Variants in CASKIN1 observed in about 807,000 individuals in gnomAD.
CASKIN1 encodes the protein caskin-1.
Under a neutral mutation model 117.5 loss-of-function variants are expected in CASKIN1, and 42 were observed. The observed-to-expected ratio is 0.36, with a 90% CI of 0.28 to 0.46. The LOEUF (loss-of-function observed/expected upper bound fraction) is 0.46, where lower values mean the gene tolerates loss of function less well. CASKIN1 is among the 20% of genes least tolerant of loss of function. The probability of loss-of-function intolerance (pLI) is 1.00; values close to 1 mark genes in which losing one functional copy is unlikely to be tolerated. For synonymous variants in CASKIN1, 1,148 were observed against 961.7 expected (o/e 1.19, Z -3.59); for missense variants, 2,083 against 2,077.3 (o/e 1.00, Z -0.05).
At chr16:2,185,589 G>A (rs1160135812) in intron 10 of CASKIN1, among the ~76,000 whole-genome samples, 181 bp from the exon 11 acceptor site, 11 of 152,256 alleles carry the variant, frequency 7.2e-5, no homozygotes, top group Non-Finnish European at 1.2e-4. Context: ...GCAGGAGAGA[G>A]GCAGAGACAG....
intron 1 of CASKIN1, among the ~76,000 whole-genome samples, chr16:2,193,661 C>A (rs2093207195): frequency 6.6e-6 from 1 of 152,216 alleles, no homozygotes; most frequent in Non-Finnish European, 1.5e-5. Context: ...AGGTCAAAGC[C>A]CAGAAAGTAA....
chr16:2,183,688 G>C lies in CASKIN1; in HGVS notation c.1587C>G (p.Ile529Met). 1.2e-6 allele frequency: 2 copies of C among 1,613,406 alleles called. No homozygotes were observed. The highest frequency in any genetic ancestry group is 1.7e-6 in the Non-Finnish European group (2 of 1,179,990). The change falls in exon 16 of 20, where the codon ATC becomes ATG. Residue 529 changes from isoleucine to methionine, a missense_variant. Ile to Met is a conservative substitution (Grantham distance 10). Around this residue, in one of 3 missense-constraint regions of CASKIN1, gnomAD observed 1,818 missense variants for 1,688.9 expected, o/e 1.08. Coordinates refer to ENST00000343516, the MANE Select transcript of CASKIN1 (RefSeq NM_020764.4). ...PGHRKKIAAEISGLSIPDWLP... is the reference protein window; with the variant it reads ...PGHRKKIAAEMSGLSIPDWLP... The stretch of plus-strand genomic sequence containing the variant: ...GCCAGTCAGGGATGCTTAGGCCGCT[G>C]ATCTCTGCCGCGATCTTCTTCCGGT...
chr16:2,178,069 T>G lies in CASKIN1; in HGVS notation c.*481A>C, dbSNP rs1469349476. 1 of 486,784 alleles carries G rather than the reference T, an allele frequency of 2.1e-6. No homozygotes were observed. The highest frequency in any genetic ancestry group is 3.9e-6 in the Non-Finnish European group (1 of 254,652). The allele number at this position is 486,784 out of a possible 1,614,324, so 30.2% of individuals were successfully genotyped here. On this transcript the variant is annotated 3_prime_UTR_variant, in exon 20 of 20. Transcript: ENST00000343516. ...TATATTTGTTAAAGTTATACCTTTT[T>G]GTTTCTCTGGGGAAATCCGCCTCAG... is the stretch of plus-strand genomic sequence containing the variant.
At position 2,182,597 on chromosome 16, in the gene CASKIN1, G is replaced by C. The variant is rs560303898; in HGVS notation, c.1630-668C>G. On this transcript the variant is annotated intron_variant, in intron 16 of 19. Coordinates refer to ENST00000343516, the MANE Select transcript of CASKIN1 (RefSeq NM_020764.4). This position sits in a 1 kb window ranked among gnomAD's most constrained non-coding sequence, Gnocchi z 4.1. ...GGACCTGACCCCTAGGAGGATCCCCGAGCCACCAATTGAGTGAGGCAAGGC... is the reference window on the plus strand; with the variant it reads ...GGACCTGACCCCTAGGAGGATCCCCCAGCCACCAATTGAGTGAGGCAAGGC... 6.6e-6 allele frequency among the ~76,000 whole-genome samples: 1 copy of C among 152,206 alleles called. No individual in the cohort carries two copies. The highest frequency in any genetic ancestry group is 2.4e-5 in the African/African-American group (1 of 41,444).
rs930628336 is a variant in CASKIN1 at position 2,180,116 on chromosome 16, C to T, written c.3252G>A (p.Ser1084=). 1.3e-6 allele frequency: 2 copies of T among 1,553,236 alleles called. No homozygotes were observed. The highest frequency in any genetic ancestry group is 1.4e-5 in the African/African-American group (1 of 73,120). The change falls in exon 18 of 20, where the codon TCG becomes TCA. Residue 1084 remains serine (S), a synonymous_variant. Transcript: ENST00000343516. Reference sequence around the variant, plus strand: ...CCTCCACAAAGGGGCCTGGGTCTGCCGACTCCCCAGGCCCCCGGCGGGCAG... The same window carrying T: ...CCTCCACAAAGGGGCCTGGGTCTGCTGACTCCCCAGGCCCCCGGCGGGCAG... ...LATARRGPGE[S]ADPGPFVEDG...
chr16:2,178,505 G>A lies in CASKIN1; in HGVS notation c.*45C>T, dbSNP rs1304729504. 2.0e-6 allele frequency: 3 copies of A among 1,474,472 alleles called. No homozygotes were observed. Among genetic ancestry groups the A allele is most frequent in the Non-Finnish European group, 2.7e-6 (3 of 1,100,872 alleles). 91.3% of individuals were successfully genotyped at this position (1,474,472 alleles called of 1,614,324 possible). Reference sequence around the variant, plus strand: ...CCCATCCTGAGGTATAGGTCAGTGTGCGGGGAGGGCCCGGGCGGCGCGGGA... The same window carrying A: ...CCCATCCTGAGGTATAGGTCAGTGTACGGGGAGGGCCCGGGCGGCGCGGGA... On this transcript the variant is annotated 3_prime_UTR_variant, in exon 20 of 20. Coordinates refer to ENST00000343516, the MANE Select transcript of CASKIN1 (RefSeq NM_020764.4).
intron 1 of CASKIN1, among the ~76,000 whole-genome samples, chr16:2,194,409 G>C (rs1407943873): frequency 6.6e-6 from 1 of 152,060 alleles, no homozygotes; most frequent in Non-Finnish European, 1.5e-5. Flanking sequence ...GGCGAGTCGG[G>C]GGCTGGCTGA....
In CASKIN1 at chr16:2,181,003, G is replaced by T; in HGVS notation, c.2365C>A (p.Gln789Lys). The T allele has an allele frequency of 1.3e-6, 2 of 1,485,858 alleles. No homozygotes were observed. Among genetic ancestry groups the T allele is most frequent in the Non-Finnish European group, 1.8e-6 (2 of 1,122,562 alleles). The allele number at this position is 1,485,858 out of a possible 1,614,324, so 92.0% of individuals were successfully genotyped here. ...TPTKTRPGSP[Q>K]ALGGPHGPAP... ...GGACCATGAGGTCCCCCAAGGGCCT[G>T]GGGAGAGCCTGGTCGGGTTTTGGTG... Residue 789 changes from glutamine to lysine, a missense_variant, in exon 18 of 20, where the codon CAG becomes AAG. Gln to Lys is a moderately conservative substitution (Grantham distance 53). Coordinates refer to ENST00000343516, the MANE Select transcript of CASKIN1 (RefSeq NM_020764.4).
chr16:2,180,226 T>G lies in CASKIN1; in HGVS notation c.3142A>C (p.Lys1048Gln), dbSNP rs975014590. The change falls in exon 18 of 20, where the codon AAA (lysine) becomes CAA (glutamine). Residue 1048 changes from lysine to glutamine, a missense_variant. Lys to Gln is a moderately conservative substitution (Grantham distance 53). This residue lies in a region of CASKIN1 where 1,818 missense variants were observed against 1,688.9 expected (regional missense o/e 1.08). Transcript: ENST00000343516. Reference sequence around the variant, plus strand: ...CCAGGCCCGATGGCCTCTTTGTGTTTCACTGAGGCCAGCACGGTGGCCACC... The same window carrying G: ...CCAGGCCCGATGGCCTCTTTGTGTTGCACTGAGGCCAGCACGGTGGCCACC... ...GRVATVLASV[K>Q]HKEAIGPGGE... 2 of 1,551,388 alleles carry G rather than the reference T, an allele frequency of 1.3e-6. No homozygotes were observed. Among genetic ancestry groups the G allele is most frequent in the Non-Finnish European group, 1.7e-6 (2 of 1,148,418 alleles).
intron 14 of CASKIN1, 114 bp from the exon 15 acceptor site, chr16:2,184,055 GC>G: frequency 1.5e-6 from 1 of 671,480 alleles, no homozygotes; most frequent in Non-Finnish European, 2.5e-6. Context: ...TCCGCCGTCC[GC>G]TGCTCCATCT....
At chr16:2,184,422 T>G (rs532614572) in intron 14 of CASKIN1, among the ~76,000 whole-genome samples, 71 of 152,104 alleles carry the variant, frequency 4.7e-4, no homozygotes, top group Middle Eastern at 3.4e-3. Context: ...GGCACACGAG[T>G]GCACTCACAC....
intron 6 of CASKIN1, 26 bp from the exon 7 acceptor site, chr16:2,187,487 C>T (rs377237313): frequency 1.3e-4 from 207 of 1,587,982 alleles, no homozygotes; most frequent in Non-Finnish European, 1.7e-4. Flanking sequence ...GGTGGACAGG[C>T]GGGGCCTTCC....
rs576739883 is a variant in CASKIN1, at chr16:2,188,865, C to A, written c.617+162G>T. On this transcript the variant is annotated intron_variant, in intron 6 of 19. Transcript: ENST00000343516. ...CCCTTCCCAGCCCCTGCAGCTCATC[C>A]TGTACATGGGCCCTGGAGGCCATGC... 4.0e-6 allele frequency: 4 copies of A among 1,002,614 alleles called. No individual in the cohort carries two copies. The East Asian group carries it at 7.6e-5, about 19-fold the overall frequency. The allele number at this position is 1,002,614 out of a possible 1,614,324, so 62.1% of individuals were successfully genotyped here.
chr16:2,191,325 G>A (rs766993023), intron 1 of CASKIN1, among the ~76,000 whole-genome samples: 20 of 152,180 alleles, frequency 1.3e-4, no homozygotes, highest in Non-Finnish European at 2.6e-4. Context: ...AGCCCCTGCT[G>A]CCCCGGCCTC....
intron 3 of CASKIN1, 64 bp downstream of exon 3, chr16:2,190,009 C>T: frequency 1.4e-6 from 2 of 1,425,464 alleles, no homozygotes; most frequent in South Asian, 2.4e-5. Flanking sequence ...TCCATGCAGG[C>T]CCTGGGGAGC....
intron 4 of CASKIN1, 23 bp from the exon 5 acceptor site, chr16:2,189,356 G>A (rs770454618): frequency 6.2e-7 from 1 of 1,612,416 alleles, no homozygotes; most frequent in South Asian, 1.1e-5. Context: ...GGCGCAGTCA[G>A]GTCCGCACAT....
chr16:2,189,859 C>T (rs1211093192), intron 3 of CASKIN1, among the ~76,000 whole-genome samples: 1 of 152,056 alleles, frequency 6.6e-6, no homozygotes, highest in African/African-American at 2.4e-5. Context: ...ACCCCTGACC[C>T]CAAGCCCAAC....
rs1202278864 is a variant in CASKIN1 at position 2,181,077 on chromosome 16, C to T, written c.2291G>A (p.Arg764Gln). 6.1e-6 allele frequency: 9 copies of T among 1,486,216 alleles called. No homozygotes were observed. Among genetic ancestry groups the T allele is most frequent in the African/African-American group, 2.9e-5 (2 of 70,166 alleles). The allele number at this position is 1,486,216 out of a possible 1,614,324, so 92.1% of individuals were successfully genotyped here. A position where few individuals can be genotyped will look rare whatever the true frequency, so the allele number is the denominator to read the frequency against. Residue 764 changes from arginine to glutamine, a missense_variant, in exon 18 of 20, where the codon CGG becomes CAG. Transcript: ENST00000343516. ...GCTAGTGCCTGGTGGGAGGACCTGC[C>T]GTGGCTTGCCAGGCACGGGGGGCAC... ...ASVPPVPGKP[R>Q]QVLPPGTSHF... is the part of the protein sequence containing the mutation.
At chr16:2,193,525 C>A (rs751848132) in intron 1 of CASKIN1, among the ~76,000 whole-genome samples, 2 of 152,190 alleles carry the variant, frequency 1.3e-5, no homozygotes, top group Non-Finnish European at 2.9e-5. Flanking sequence ...GGTGGACAGC[C>A]CTCAGCATGT....
Sources: allele counts gnomAD v4.1 joint callset (sites outside exome capture counted in the v4.1 genomes callset), GRCh38; gene constraint gnomAD v4.1.1; regional missense constraint gnomAD v4.1.1; non-coding constraint Gnocchi (gnomAD v3.1); transcripts MANE v1.5; gene names NCBI Gene and HGNC (gene_info 2026-07-23, HGNC 2026-07-21).